Variants in DUSP11 observed in about 807,000 individuals in gnomAD.
DUSP11 encodes RNA/RNP complex-1-interacting phosphatase.
DUSP11 carries 27 observed loss-of-function variants against 41.4 expected under a neutral mutation model. The observed-to-expected ratio is 0.65, with a 90% CI of 0.48 to 0.90. The LOEUF is 0.90. Among genes scored for constraint, DUSP11 ranks in the 40% least tolerant of loss-of-function variants. The pLI is 0.00. For synonymous variants in DUSP11, 188 were observed against 159.3 expected, an observed-to-expected ratio of 1.18 and a Z score of -1.35; for missense variants, 465 against 461.1, an observed-to-expected ratio of 1.01 and a Z score of -0.08.
chr2:73,773,991 G>A (rs1672633763), intron 3 of DUSP11, 68 bp from the exon 4 acceptor site: 4 of 1,306,592 alleles, frequency 3.1e-6, no homozygotes, highest in Admixed American at 4.6e-5. Flanking sequence ...GAGTAATTAG[G>A]GGACCCAGAA....
intron 4 of DUSP11, among the ~76,000 whole-genome samples, chr2:73,771,662 T>TA (rs1044955227): frequency 2.8e-5 from 4 of 143,412 alleles, no homozygotes; most frequent in African/African-American, 7.7e-5. Context: ...CCTGGGTTAT[T>TA]TTTTTTTTTT....
At chr2:73,775,126 T>C in intron 2 of DUSP11, 82 bp from the exon 3 acceptor site, 13 of 1,190,466 alleles carry the variant, frequency 1.1e-5, no homozygotes, top group Non-Finnish European at 1.4e-5. Context: ...CCTGTGATGC[T>C]AACATACAAC....
chr2:73,774,036 C>A, intron 3 of DUSP11, 113 bp from the exon 4 acceptor site: 1 of 866,314 alleles, frequency 1.2e-6, no homozygotes, highest in Non-Finnish European at 1.7e-6. Context: ...CTTAATATGC[C>A]AATATCAGTA....
chr2:73,771,660 A>ATTTTTT (rs34330062), intron 4 of DUSP11, among the ~76,000 whole-genome samples: 1 of 134,924 alleles, frequency 7.4e-6, no homozygotes, highest in Non-Finnish European at 1.6e-5. Flanking sequence ...TGCCTGGGTT[A>ATTTTTT]TTTTTTTTTT....
exon 9 of DUSP11, chr2:73,762,844 A>T (rs1479942595): frequency 6.3e-7 from 1 of 1,577,834 alleles, no homozygotes; most frequent in Admixed American, 1.8e-5. Context: ...AAACATGTGG[A>T]TTCTCTGAAA....
At chr2:73,775,415 G>A (rs565120800) in intron 2 of DUSP11, among the ~76,000 whole-genome samples, 13 of 134,632 alleles carry the variant, frequency 9.7e-5, no homozygotes, top group Admixed American at 3.4e-4. Context: ...TCTGTCATCC[G>A]TCATCCAGGC....
At chr2:73,764,265 C>A (rs904133944) in intron 8 of DUSP11, among the ~76,000 whole-genome samples, 2 of 152,130 alleles carry the variant, frequency 1.3e-5, no homozygotes, top group Non-Finnish European at 2.9e-5. Context: ...TTGTTTACAT[C>A]TTTTAAAAAT....
chr2:73,776,320 C>A (rs986184920), intron 2 of DUSP11, among the ~76,000 whole-genome samples: 1 of 147,386 alleles, frequency 6.8e-6, no homozygotes, highest in African/African-American at 2.5e-5. Flanking sequence ...GAGGCAGAGG[C>A]AGGAGAATGG....
chr2:73,766,128 T>A (rs1266374633), intron 8 of DUSP11, among the ~76,000 whole-genome samples: 2 of 152,094 alleles, frequency 1.3e-5, no homozygotes, highest in African/African-American at 4.8e-5. Flanking sequence ...TCTAACATGG[T>A]GAAACCCCAT....
Position 73,766,859 on chromosome 2 carries a change from T to C in DUSP11, c.727A>G (p.Ile243Val), listed in dbSNP as rs140704867. The C allele has an allele frequency of 1.5e-4, 244 of 1,613,372 alleles. No individual in the cohort carries two copies. The highest frequency in any genetic ancestry group is 1.9e-4 in the Non-Finnish European group (228 of 1,179,488). The stretch of plus-strand genomic sequence containing the variant: ...ATAGGACCATTCTGAAGGTCTTCAA[T>C]GTAGTTTTGTCTTTCTAAGCAATGT... Residue 243 changes from isoleucine to valine, a missense_variant, in exon 7 of 9, where the codon ATT becomes GTT. Ile to Val is a conservative substitution (Grantham distance 29). Coordinates refer to ENST00000272444, the Ensembl canonical transcript of DUSP11.
intron 7 of DUSP11, 63 bp from the exon 8 acceptor site, chr2:73,766,657 C>T: frequency 4.0e-6 from 6 of 1,515,648 alleles, no homozygotes; most frequent in Non-Finnish European, 4.5e-6. Context: ...AATTTAGTGA[C>T]TATATTTTGG....
At chr2:73,769,056 A>G in intron 5 of DUSP11, 1 of 494,604 alleles carries the variant, frequency 2.0e-6, no homozygotes. Flanking sequence ...CTATTATACC[A>G]TTCAATAACA....
At chr2:73,770,478 G>A (rs112773676) in intron 4 of DUSP11, among the ~76,000 whole-genome samples, 1,997 of 149,922 alleles carry the variant, frequency 0.013, 44 homozygotes, top group African/African-American at 0.045. Flanking sequence ...TGGTGCCACT[G>A]CGCTCCAGCT....
At chr2:73,779,045 G>A (rs1292059845) in intron 1 of DUSP11, among the ~76,000 whole-genome samples, 2 of 152,078 alleles carry the variant, frequency 1.3e-5, no homozygotes, top group Non-Finnish European at 2.9e-5. Context: ...CAGCAACTTG[G>A]GCGGCTGAGG....
chr2:73,772,312 TAGTGTCC>T (rs1672597908), intron 4 of DUSP11, among the ~76,000 whole-genome samples: 1 of 152,182 alleles, frequency 6.6e-6, no homozygotes, highest in Non-Finnish European at 1.5e-5. Flanking sequence ...GTGGAGAGTG[TAGTGTCC>T]TCTTTTTATC....
chr2:73,762,829 C>T (rs778577894), exon 9 of DUSP11: 1 of 1,601,838 alleles, frequency 6.2e-7, no homozygotes, highest in East Asian at 2.2e-5. Context: ...GATGGTGTCT[C>T]TGGTAAACAT....
chr2:73,772,827 C>T (rs549743744), intron 4 of DUSP11, among the ~76,000 whole-genome samples: 1 of 152,198 alleles, frequency 6.6e-6, no homozygotes, highest in Non-Finnish European at 1.5e-5. Flanking sequence ...ACCCACTGAT[C>T]CAGTCTCTAT....
At chr2:73,762,754 G>T (rs754238468) in exon 9 of DUSP11, 1 of 1,613,864 alleles carries the variant, frequency 6.2e-7, no homozygotes, top group Non-Finnish European at 8.5e-7. Context: ...GACTGGCATT[G>T]GGCTTCACAT....
intron 5 of DUSP11, chr2:73,767,497 C>A (rs543163060): frequency 1.2e-5 from 3 of 255,490 alleles, no homozygotes; most frequent in Non-Finnish European, 2.2e-5. Flanking sequence ...TATCAAAATG[C>A]TTTATACACT....
Sources: gnomAD v4.1 joint callset for allele counts (sites outside exome capture counted in the v4.1 genomes callset) on GRCh38, gnomAD v4.1.1 for gene constraint, MANE v1.5 for transcripts, NCBI Gene and HGNC (gene_info 2026-07-23, HGNC 2026-07-21) for gene names.